PEAK1: variants seen among roughly 807,000 people sequenced by gnomAD.
The protein encoded by PEAK1 is inactive tyrosine-protein kinase PEAK1.
A neutral mutation model predicts 124.7 loss-of-function variants in PEAK1; 54 were observed. That is an observed-to-expected ratio of 0.43 (90% CI 0.35 to 0.54). The LOEUF is 0.54. Among genes scored for constraint, PEAK1 ranks in the 20% least tolerant of loss-of-function variants. The pLI is 0.01. For synonymous variants in PEAK1, 719 were observed against 760.0 expected, an observed-to-expected ratio of 0.95 and a Z score of 0.89; for missense variants, 2,046 against 2,134.5, an observed-to-expected ratio of 0.96 and a Z score of 0.82.
chr15:77,390,208 A>C (rs758585658), intron 1 of PEAK1, among the ~76,000 whole-genome samples: 6 of 152,340 alleles, frequency 3.9e-5, no homozygotes, highest in African/African-American at 7.2e-5. Context: ...CAGCAGTCAG[A>C]GCTATTTGAG....
At chr15:77,323,734 A>C (rs1253437950) in intron 2 of PEAK1, among the ~76,000 whole-genome samples, 1 of 152,206 alleles carries the variant, frequency 6.6e-6, no homozygotes, top group Admixed American at 6.5e-5. Flanking sequence ...ATTCAATGCC[A>C]TCCCCATCGA....
chr15:77,191,894 GATA>G (rs1567095480), intron 6 of PEAK1, among the ~76,000 whole-genome samples: 3 of 152,240 alleles, frequency 2.0e-5, no homozygotes, highest in South Asian at 2.1e-4. Context: ...CAACCAGTGG[GATA>G]ATAAGAGTGA....
intron 1 of PEAK1, among the ~76,000 whole-genome samples, chr15:77,409,556 T>C (rs1267977592): frequency 1.3e-5 from 2 of 152,206 alleles, no homozygotes; most frequent in African/African-American, 4.8e-5. Flanking sequence ...GTTAAGCATT[T>C]AATAAAAATC....
In PEAK1 at chr15:77,405,739, G is replaced by C. The variant is rs17470855; in HGVS notation, c.-666+14267C>G. On this transcript the variant is annotated intron_variant, in intron 1 of 9. Coordinates refer to ENST00000682557, the MANE Select transcript of PEAK1 (RefSeq NM_001385026.1). ...AAAACATATCCATTCCTAGGGACAA[G>C]ATTTTTTGCTACACAACTGACAACT... Among the ~76,000 whole-genome samples, 235 of 152,192 alleles carry C rather than the reference G, an allele frequency of 1.5e-3. 3 individuals are homozygous for C. The highest frequency in any genetic ancestry group is 2.4e-3 in the Non-Finnish European group (164 of 67,996).
intron 5 of PEAK1, chr15:77,255,241 A>C (rs571253855): frequency 1.9e-6 from 1 of 527,426 alleles, no homozygotes; most frequent in South Asian, 8.2e-5. Context: ...GCCTGATTTT[A>C]AACCTATTAA....
intron 2 of PEAK1, among the ~76,000 whole-genome samples, chr15:77,328,629 T>C (rs1036802259): frequency 1.3e-5 from 2 of 152,142 alleles, no homozygotes; most frequent in African/African-American, 4.8e-5. Flanking sequence ...AAACTGAGGC[T>C]CTCACAGCTA....
chr15:77,360,569 CAT>C (rs2067823397), intron 2 of PEAK1, among the ~76,000 whole-genome samples: 1 of 151,680 alleles, frequency 6.6e-6, no homozygotes, highest in Non-Finnish European at 1.5e-5. Context: ...TTCAACCAAA[CAT>C]GGATAAAAAA....
At chr15:77,178,351 T>A (rs781377222) in intron 7 of PEAK1, 1 of 167,286 alleles carries the variant, frequency 6.0e-6, no homozygotes, top group East Asian at 1.7e-4. Context: ...GTAATGCATA[T>A]AGAGATAACA....
chr15:77,146,724 G>A (rs934460466), intron 8 of PEAK1, among the ~76,000 whole-genome samples: 1 of 152,130 alleles, frequency 6.6e-6, no homozygotes, highest in Non-Finnish European at 1.5e-5. Context: ...CTAAAACTGT[G>A]CAATTCTTTA....
At chr15:77,394,601 C>A (rs1258436542) in intron 1 of PEAK1, among the ~76,000 whole-genome samples, 2 of 152,188 alleles carry the variant, frequency 1.3e-5, no homozygotes. Flanking sequence ...GACATGGCTG[C>A]AGTAACTAAA....
At chr15:77,362,274 T>A (rs1359851814) in intron 2 of PEAK1, among the ~76,000 whole-genome samples, 1 of 152,142 alleles carries the variant, frequency 6.6e-6, no homozygotes, top group Non-Finnish European at 1.5e-5. Flanking sequence ...AATAACCCTA[T>A]CTGATCACTA....
chr15:77,145,148 C>A (rs1041967356), intron 8 of PEAK1, among the ~76,000 whole-genome samples: 19 of 152,182 alleles, frequency 1.2e-4, no homozygotes, highest in Non-Finnish European at 1.6e-4. Flanking sequence ...TACTTTCTCC[C>A]CACTTAAAAA....
At chr15:77,245,641 G>T (rs992030904) in intron 6 of PEAK1, among the ~76,000 whole-genome samples, 1 of 152,112 alleles carries the variant, frequency 6.6e-6, no homozygotes, top group African/African-American at 2.4e-5. Context: ...AGAGGCTGCA[G>T]TGAGCCAAGA....
intron 5 of PEAK1, among the ~76,000 whole-genome samples, chr15:77,263,997 G>T (rs894518962): frequency 6.6e-6 from 1 of 152,012 alleles, no homozygotes; most frequent in African/African-American, 2.4e-5. Context: ...CAGAACCAAC[G>T]ACAAAAACCA....
At chr15:77,318,899 A>G (rs552792494) in intron 2 of PEAK1, among the ~76,000 whole-genome samples, 61 of 152,192 alleles carry the variant, frequency 4.0e-4, no homozygotes, top group Non-Finnish European at 6.3e-4. Context: ...AGTCGGAGTT[A>G]GTATTTGCTT....
rs1465285957 is a variant in PEAK1, at chr15:77,134,757, T to C, written c.3332-1007A>G. Among the ~76,000 whole-genome samples the C allele has an allele frequency of 2.6e-5, 4 of 152,226 alleles. No individual in the cohort carries two copies. In the East Asian group the frequency reaches 5.8e-4, roughly 22 times the overall value. Reference sequence around the variant, plus strand: ...GCCTCTACTCAAGATCTCAGAGTTATAAGGCTCTGTTATGGGTTGAATTAT... The same window carrying C: ...GCCTCTACTCAAGATCTCAGAGTTACAAGGCTCTGTTATGGGTTGAATTAT... On this transcript the variant is annotated intron_variant, in intron 8 of 9. Coordinates refer to ENST00000682557, the MANE Select transcript of PEAK1 (RefSeq NM_001385026.1).
rs1220043443 is a variant in PEAK1 at position 77,133,839 on chromosome 15, G to C, written c.3332-89C>G. On this transcript the variant is annotated intron_variant, in intron 8 of 9. Transcript: ENST00000682557. The surrounding 1 kb of genome is among the most constrained non-coding windows in gnomAD (Gnocchi z 4.2). ...CTGAAACTTGAGCAGAAATGAGTGA[G>C]GTAGCCATGGGAATGTAAGAATAAG... 3.6e-5 allele frequency: 49 copies of C among 1,356,396 alleles called. No homozygotes were observed. The highest frequency in any genetic ancestry group is 4.0e-5 in the Non-Finnish European group (41 of 1,022,280). 84.0% of individuals were successfully genotyped at this position (1,356,396 alleles called of 1,614,324 possible). A position where few individuals can be genotyped will look rare whatever the true frequency, so the allele number is the denominator to read the frequency against.
At chr15:77,259,977 T>C (rs1388212656) in intron 5 of PEAK1, among the ~76,000 whole-genome samples, 1 of 152,142 alleles carries the variant, frequency 6.6e-6, no homozygotes, top group African/African-American at 2.4e-5. Context: ...TTTAGCTAGA[T>C]AAAAACGTTA....
chr15:77,286,967 T>C (rs781185424), intron 2 of PEAK1, among the ~76,000 whole-genome samples: 7 of 152,300 alleles, frequency 4.6e-5, no homozygotes, highest in African/African-American at 7.2e-5. Context: ...TTCATAAAAA[T>C]GTGTACATAT....
Sources: allele counts gnomAD v4.1 joint callset (sites outside exome capture counted in the v4.1 genomes callset), GRCh38; gene constraint gnomAD v4.1.1; non-coding constraint Gnocchi (gnomAD v3.1); transcripts MANE v1.5; gene names NCBI Gene and HGNC (gene_info 2026-07-23, HGNC 2026-07-21).